The following NRIP1 variants were observed in gnomAD, a reference collection of about 807,000 sequenced individuals.
NRIP1 encodes the protein nuclear receptor-interacting protein 1.
NRIP1 carries 28 observed loss-of-function variants against 75.0 expected under a neutral mutation model. That is an observed-to-expected ratio of 0.37 (90% CI 0.28 to 0.51). The LOEUF is 0.51. Among genes scored for constraint, NRIP1 ranks in the 20% least tolerant of loss-of-function variants. The pLI is 0.92. For missense variants in NRIP1, 1,435 were observed against 1,343.7 expected, an observed-to-expected ratio of 1.07 and a Z score of -1.06; for synonymous variants, 526 against 487.6, an observed-to-expected ratio of 1.08 and a Z score of -1.04.
At chr21:15,023,039 C>T (rs1047776986) in intron 2 of NRIP1, among the ~76,000 whole-genome samples, 33 of 152,004 alleles carry the variant, frequency 2.2e-4, no homozygotes, top group Non-Finnish European at 3.4e-4. Flanking sequence ...ACAGAAGGAT[C>T]GGTGGTTGTC....
chr21:14,962,015 T>TTATATATATATA lies in NRIP1; in HGVS notation c.*2689_*2700dup, dbSNP rs58275735. ...AAGTCAATATATATATATATACATATTATATATATATATATATATATATAT... is the reference window on the plus strand; with the variant it reads ...AAGTCAATATATATATATATACATATTATATATATATATATATATATATATATATATATATAT... On this transcript the variant is annotated 3_prime_UTR_variant, in exon 4 of 4. Coordinates refer to ENST00000318948, the MANE Select transcript of NRIP1 (RefSeq NM_003489.4). 1.4e-5 allele frequency: 2 copies of TTATATATATATA among 140,512 alleles called. No homozygotes were observed. The highest frequency in any genetic ancestry group is 3.1e-5 in the Non-Finnish European group (2 of 64,738). 8.7% of individuals were successfully genotyped at this position (140,512 alleles called of 1,614,324 possible).
intron 3 of NRIP1, among the ~76,000 whole-genome samples, chr21:14,969,336 C>T (rs2086843907): frequency 6.6e-6 from 1 of 152,136 alleles, no homozygotes; most frequent in African/African-American, 2.4e-5. Flanking sequence ...AGGTCCATTC[C>T]TTACAGATAC....
At position 14,965,087 on chromosome 21, in the gene NRIP1, G is replaced by T. The variant is rs1354715148; in HGVS notation, c.3106C>A (p.Pro1036Thr). ...CACTTAATGGGTCCTTTCTCACTGGGCATGGAACACCCATTCAAAAGCCCA... is the reference window on the plus strand; with the variant it reads ...CACTTAATGGGTCCTTTCTCACTGGTCATGGAACACCCATTCAAAAGCCCA... ...ESGLLNGCSM[P>T]SEKGPIKWVI... Residue 1036 changes from proline (P) to threonine (T), a missense_variant, in exon 4 of 4, where the codon CCC (proline) becomes ACC (threonine). Transcript: ENST00000318948. The T allele has an allele frequency of 5.6e-6, 9 of 1,613,402 alleles. No homozygotes were observed. Among genetic ancestry groups the T allele is most frequent in the Non-Finnish European group, 7.6e-6 (9 of 1,179,886 alleles).
upstream of NRIP1, chr21:15,065,090 C>T (rs1339526891): frequency 6.5e-6 from 1 of 153,892 alleles, no homozygotes; most frequent in Non-Finnish European, 1.4e-5. Flanking sequence ...CAGTCCCTCC[C>T]CTCGCCGCCC....
At chr21:14,996,790 A>C (rs929480043) in intron 3 of NRIP1, among the ~76,000 whole-genome samples, 1 of 152,062 alleles carries the variant, frequency 6.6e-6, no homozygotes, top group Non-Finnish European at 1.5e-5. Flanking sequence ...TTCTAACATA[A>C]TATTCAGAAA....
intron 3 of NRIP1, among the ~76,000 whole-genome samples, chr21:14,977,170 C>T (rs1398367093): frequency 1.3e-5 from 2 of 151,926 alleles, no homozygotes; most frequent in Non-Finnish European, 2.9e-5. Context: ...TATTTTTATA[C>T]AAATGGTAAG....
At chr21:15,003,645 C>G (rs1179166608) in intron 3 of NRIP1, among the ~76,000 whole-genome samples, 2 of 152,146 alleles carry the variant, frequency 1.3e-5, no homozygotes, top group African/African-American at 4.8e-5. Flanking sequence ...CATCTATAAT[C>G]CACCACCATT....
chr21:15,048,176 T>C (rs1167589697), intron 1 of NRIP1, among the ~76,000 whole-genome samples: 1 of 152,108 alleles, frequency 6.6e-6, no homozygotes, highest in Non-Finnish European at 1.5e-5. Context: ...CCATGACACA[T>C]ATAATAATAT....
At position 14,966,006 on chromosome 21, in the gene NRIP1, CTCTT is replaced by C. The variant is rs2086725960; in HGVS notation, c.2183_2186del (p.Lys728ArgfsTer5). Reference sequence around the variant, plus strand: ...TACTTTCATCTCTTAAGGGAGTTTTCTCTTTTTTTTCACTCTTCCCTTTGTTGGG... The same window carrying C: ...TACTTTCATCTCTTAAGGGAGTTTTCTTTTTTCACTCTTCCCTTTGTTGGG... On this transcript the variant is annotated frameshift_variant, in exon 4 of 4. Transcript: ENST00000318948. LOFTEE classifies it high-confidence loss of function. 6.2e-7 allele frequency: 1 copy of C among 1,611,796 alleles called. No homozygotes were observed. Among genetic ancestry groups the C allele is most frequent in the Non-Finnish European group, 8.5e-7 (1 of 1,179,420 alleles).
intron 3 of NRIP1, among the ~76,000 whole-genome samples, chr21:15,010,378 T>C (rs1306365064): frequency 6.7e-6 from 1 of 150,230 alleles, no homozygotes; most frequent in Admixed American, 6.6e-5. Flanking sequence ...AAACCTTTCA[T>C]GGAAAAGGAA....
chr21:15,015,893 T>C (rs1003925593), intron 2 of NRIP1, among the ~76,000 whole-genome samples: 1 of 152,132 alleles, frequency 6.6e-6, no homozygotes, highest in African/African-American at 2.4e-5. Flanking sequence ...AATAAAATGA[T>C]GCAAATAGGA....
intron 1 of NRIP1, among the ~76,000 whole-genome samples, chr21:15,056,339 T>A (rs1383848617): frequency 6.6e-6 from 1 of 150,492 alleles, no homozygotes; most frequent in Non-Finnish European, 1.5e-5. Flanking sequence ...GTCAGTCAAG[T>A]ATTACCAGGA....
In NRIP1 at chr21:14,963,853, T is replaced by TG. The variant is rs1452863649; in HGVS notation, c.*862dup. On this transcript the variant is annotated 3_prime_UTR_variant, in exon 4 of 4. Transcript: ENST00000318948. ...GGTGAGAATTAACTTTTACAAGAGA[T>TG]GGTGAAAACTGTCCAAAGAAAAGCC... 2 of 152,358 alleles carry TG rather than the reference T, an allele frequency of 1.3e-5. No homozygotes were observed. The highest frequency in any genetic ancestry group is 3.8e-4 in the East Asian group (2 of 5,200). The allele number at this position is 152,358 out of a possible 1,614,324, so 9.4% of individuals were successfully genotyped here.
intron 1 of NRIP1, 35 bp downstream of exon 1, chr21:15,064,710 C>CT (rs1358150865): frequency 6.7e-6 from 1 of 150,198 alleles, no homozygotes; most frequent in African/African-American, 2.4e-5. Flanking sequence ...CCGGCGGCCG[C>CT]TACTCCTGGC....
intron 3 of NRIP1, among the ~76,000 whole-genome samples, chr21:14,998,241 T>C (rs900485203): frequency 2.6e-5 from 4 of 152,204 alleles, no homozygotes; most frequent in Non-Finnish European, 4.4e-5. Flanking sequence ...GAATTTTGGA[T>C]GGACCTTCTC....
chr21:14,970,116 G>C (rs1034508021), intron 3 of NRIP1, among the ~76,000 whole-genome samples: 26 of 152,022 alleles, frequency 1.7e-4, no homozygotes, highest in African/African-American at 5.8e-4. Context: ...CCCCCCTCTG[G>C]TTATATTTTA....
intron 3 of NRIP1, among the ~76,000 whole-genome samples, chr21:14,971,987 A>C (rs1184147388): frequency 1.3e-5 from 2 of 152,238 alleles, no homozygotes; most frequent in African/African-American, 4.8e-5. Flanking sequence ...GTGGAGAAAA[A>C]GGATTTTCTT....
At chr21:15,053,612 GA>G (rs35403467) in intron 1 of NRIP1, among the ~76,000 whole-genome samples, 2 of 152,098 alleles carry the variant, frequency 1.3e-5, no homozygotes, top group African/African-American at 4.8e-5. Context: ...AACAATGAGG[GA>G]AAAAATTGTT....
chr21:15,057,631 GT>G (rs750125300), intron 1 of NRIP1, among the ~76,000 whole-genome samples: 1 of 152,158 alleles, frequency 6.6e-6, no homozygotes, highest in Non-Finnish European at 1.5e-5. Flanking sequence ...TGGGAGCAAG[GT>G]TTTTTAACGG....
Sources: gnomAD v4.1 joint callset for allele counts (sites outside exome capture counted in the v4.1 genomes callset) on GRCh38, gnomAD v4.1.1 for gene constraint, MANE v1.5 for transcripts, NCBI Gene and HGNC (gene_info 2026-07-23, HGNC 2026-07-21) for gene names.